Variants in LINGO2 observed in about 807,000 individuals in gnomAD.
LINGO2 encodes leucine-rich repeat and immunoglobulin-like domain-containing nogo receptor-interacting protein 2.
LINGO2 carries 14 observed loss-of-function variants against 30.6 expected under a neutral mutation model. That is an observed-to-expected ratio of 0.46 (90% CI 0.30 to 0.72). LINGO2 has a LOEUF of 0.72. LINGO2 is among the 30% of genes least tolerant of loss of function. The pLI, the probability that LINGO2 is intolerant of heterozygous loss-of-function variation, is 0.07. For missense variants in LINGO2, 729 were observed against 751.7 expected (o/e 0.97, Z 0.35); for synonymous variants, 317 against 288.5 (o/e 1.10, Z -1.00).
In LINGO2 at chr9:28,561,747, G is replaced by GTGTA. The variant is rs1392344413; in HGVS notation, c.-364-85726_-364-85723dup. On this transcript the variant is annotated intron_variant, in intron 1 of 5. Transcript: ENST00000379992. ...ATTATATATAATTTTGTGTGTGTGT[G>GTGTA]TGTATATATATATATATATATATAT... Among the ~76,000 whole-genome samples, 4 of 35,850 alleles carry GTGTA rather than the reference G, an allele frequency of 1.1e-4. 2 individuals are homozygous for GTGTA. The highest frequency in any genetic ancestry group is 4.4e-3 in the East Asian group (2 of 452). The allele number at this position is 35,850 out of a possible 152,430, so 23.5% of individuals were successfully genotyped here.
At chr9:28,988,895 A>C in the LINGO2 span, among the ~76,000 whole-genome samples, 1 of 151,970 alleles carries the variant, frequency 6.6e-6, no homozygotes, top group Non-Finnish European at 1.5e-5. Context: ...TTTTTTTCTA[A>C]GTATTGGGAT....
At chr9:29,171,308 T>A in the LINGO2 span, among the ~76,000 whole-genome samples, 2 of 152,018 alleles carry the variant, frequency 1.3e-5, no homozygotes, top group Non-Finnish European at 2.9e-5. Context: ...CATGAAGAGA[T>A]CCTCTCTGAG....
the LINGO2 span, among the ~76,000 whole-genome samples, chr9:29,205,566 A>C: frequency 6.6e-6 from 1 of 152,244 alleles, no homozygotes; most frequent in South Asian, 2.1e-4. Flanking sequence ...TTGGTCTCAT[A>C]GTTGGAAAAT....
rs140831043 is a variant in LINGO2, at chr9:28,344,012, C to T, written c.-246+28824G>A. Among the ~76,000 whole-genome samples the T allele has an allele frequency of 4.5e-3, 681 of 152,264 alleles. 3 individuals are homozygous for T. Among genetic ancestry groups the T allele is most frequent in the Non-Finnish European group, 8.1e-3 (550 of 68,016 alleles). ...TTTTTGAACAAAAATGTTTCTCCTG[C>T]AGCCAGTAATGTCTCTCTGTGTATC... On this transcript the variant is annotated intron_variant, in intron 3 of 5. Coordinates refer to ENST00000379992, the Ensembl canonical transcript of LINGO2.
chr9:28,522,727 C>A (rs1015723541), intron 1 of LINGO2, among the ~76,000 whole-genome samples: 2 of 151,938 alleles, frequency 1.3e-5, no homozygotes, highest in Admixed American at 6.6e-5. Context: ...AAAATTCTTA[C>A]AAGAAAATTA....
chr9:28,957,928 T>G, the LINGO2 span, among the ~76,000 whole-genome samples: 5 of 152,216 alleles, frequency 3.3e-5, no homozygotes, highest in Non-Finnish European at 7.3e-5. Context: ...ATGCTTATAA[T>G]AAGTCTATGA....
At chr9:28,360,441 A>G (rs976730813) in intron 3 of LINGO2, among the ~76,000 whole-genome samples, 2 of 152,194 alleles carry the variant, frequency 1.3e-5, no homozygotes, top group Non-Finnish European at 2.9e-5. Context: ...TTAAGCTTAG[A>G]ATGTTTGCAC....
chr9:28,110,613 A>T (rs1162353738), intron 4 of LINGO2, among the ~76,000 whole-genome samples: 1 of 152,216 alleles, frequency 6.6e-6, no homozygotes, highest in East Asian at 1.9e-4. Flanking sequence ...GAAGACATTC[A>T]TGCAGCCAAC....
chr9:28,257,224 A>T (rs1235624028), intron 4 of LINGO2, among the ~76,000 whole-genome samples: 2 of 151,942 alleles, frequency 1.3e-5, no homozygotes. Flanking sequence ...TCCAAATAGC[A>T]TAAAGCGTCT....
the LINGO2 span, among the ~76,000 whole-genome samples, chr9:28,796,755 T>C: frequency 6.6e-5 from 10 of 151,996 alleles, no homozygotes; most frequent in Non-Finnish European, 2.9e-5. Flanking sequence ...TATTAATCAT[T>C]ATAGATAAAA....
At chr9:28,731,346 A>G in the LINGO2 span, among the ~76,000 whole-genome samples, 1 of 152,152 alleles carries the variant, frequency 6.6e-6, no homozygotes, top group Non-Finnish European at 1.5e-5. Context: ...CATTCACACC[A>G]TGGAATACTA....
intron 2 of LINGO2, among the ~76,000 whole-genome samples, chr9:28,469,903 T>C (rs912776396): frequency 2.0e-5 from 3 of 152,050 alleles, no homozygotes; most frequent in Non-Finnish European, 4.4e-5. Context: ...CCAGTAAAAA[T>C]GAACACAGGG....
chr9:28,909,675 T>G, the LINGO2 span, among the ~76,000 whole-genome samples: 1 of 151,974 alleles, frequency 6.6e-6, no homozygotes, highest in African/African-American at 2.4e-5. Context: ...TTAATTTACA[T>G]TCATTTCCTG....
At chr9:28,426,338 G>T (rs1042189762) in intron 2 of LINGO2, among the ~76,000 whole-genome samples, 2 of 151,986 alleles carry the variant, frequency 1.3e-5, no homozygotes, top group Non-Finnish European at 2.9e-5. Context: ...GTAGACATAG[G>T]ACGTGTAATT....
chr9:28,107,665 A>G (rs1291694583), intron 4 of LINGO2, among the ~76,000 whole-genome samples: 2 of 152,088 alleles, frequency 1.3e-5, no homozygotes, highest in Non-Finnish European at 2.9e-5. Flanking sequence ...TATAAGGTAA[A>G]CCTTTCTCAA....
the LINGO2 span, among the ~76,000 whole-genome samples, chr9:29,176,325 C>T: frequency 6.6e-6 from 1 of 152,136 alleles, no homozygotes; most frequent in South Asian, 2.1e-4. Flanking sequence ...GACAGATGTC[C>T]TTTGTTGAGA....
chr9:28,913,931 G>A, the LINGO2 span, among the ~76,000 whole-genome samples: 1 of 152,110 alleles, frequency 6.6e-6, no homozygotes, highest in East Asian at 1.9e-4. Flanking sequence ...AAAATGGTAC[G>A]TATACATGAT....
At chr9:28,637,121 C>T (rs1370184128) in intron 1 of LINGO2, among the ~76,000 whole-genome samples, 1 of 152,146 alleles carries the variant, frequency 6.6e-6, no homozygotes, top group Non-Finnish European at 1.5e-5. Context: ...TGTCAAAGAT[C>T]AGATGGTTGT....
At chr9:28,701,953 A>T in the LINGO2 span, among the ~76,000 whole-genome samples, 3 of 151,952 alleles carry the variant, frequency 2.0e-5, no homozygotes, top group East Asian at 5.8e-4. Context: ...GATATATGGG[A>T]AAGTGGTTAA....
Sources: gnomAD v4.1 joint callset for allele counts (sites outside exome capture counted in the v4.1 genomes callset) on GRCh38, gnomAD v4.1.1 for gene constraint, MANE v1.5 for transcripts, NCBI Gene and HGNC (gene_info 2026-07-23, HGNC 2026-07-21) for gene names.